The following NRXN2 variants were observed in gnomAD, a reference collection of about 807,000 sequenced individuals.
NRXN2 encodes neurexin-2-beta.
In NRXN2, 29 loss-of-function variants were observed where a neutral mutation model predicts 128.8. That is an observed-to-expected ratio of 0.23 (90% CI 0.17 to 0.31). The LOEUF is 0.31. Among genes scored for constraint, NRXN2 ranks in the 10% least tolerant of loss-of-function variants. NRXN2 has a pLI of 1.00. For synonymous variants in NRXN2, 1,098 were observed against 1,075.2 expected, an observed-to-expected ratio of 1.02 and a Z score of -0.41; for missense variants, 1,881 against 2,452.6, an observed-to-expected ratio of 0.77 and a Z score of 4.92.
chr11:64,700,616 TCG>T (rs2055201975), intron 2 of NRXN2, among the ~76,000 whole-genome samples: 1 of 152,222 alleles, frequency 6.6e-6, no homozygotes, highest in Non-Finnish European at 1.5e-5. Context: ...TCCTAGGTCA[TCG>T]TAGCCTCTGG....
intron 12 of NRXN2, among the ~76,000 whole-genome samples, chr11:64,652,909 T>C (rs751590558): frequency 1.2e-4 from 18 of 152,038 alleles, no homozygotes; most frequent in Non-Finnish European, 2.5e-4. Context: ...TTTGCAGCAC[T>C]CTCTGGTCAT....
chr11:64,620,446 G>T, intron 21 of NRXN2, 74 bp from the exon 22 acceptor site: 1 of 1,188,000 alleles, frequency 8.4e-7, no homozygotes, highest in Non-Finnish European at 1.2e-6. Flanking sequence ...GCCACTTGAG[G>T]TGCACGGTGG....
At chr11:64,617,802 C>T (rs1320881485) in intron 22 of NRXN2, among the ~76,000 whole-genome samples, 1 of 152,156 alleles carries the variant, frequency 6.6e-6, no homozygotes, top group Non-Finnish European at 1.5e-5. Flanking sequence ...TTGGTCCTTG[C>T]CTGGCCTCCC....
Position 64,660,315 on chromosome 11 carries a change from C to G in NRXN2, c.2389+17G>C, listed in dbSNP as rs750469929. On this transcript the variant is annotated intron_variant, in intron 11 of 22. Transcript: ENST00000265459. The surrounding 1 kb of genome is among the most constrained non-coding windows in gnomAD (Gnocchi z 5.2). The stretch of plus-strand genomic sequence containing the variant: ...AGGCCAGGTGAGGGGTCAGGAAGCA[C>G]AGGGCAGGGTGGTTACCGAGGTTGA... 6 of 1,612,404 alleles carry G rather than the reference C, an allele frequency of 3.7e-6. No individual in the cohort carries two copies. The South Asian group carries it at 6.6e-5, about 18-fold the overall frequency.
intron 2 of NRXN2, among the ~76,000 whole-genome samples, chr11:64,702,413 G>A (rs1420605290): frequency 1.3e-5 from 2 of 152,004 alleles, no homozygotes; most frequent in Non-Finnish European, 2.9e-5. Context: ...TGTCTGTGTA[G>A]AAAGAGGTAG....
intron 9 of NRXN2, 155 bp from the exon 10 acceptor site, chr11:64,661,294 C>T (rs1304873994): frequency 2.7e-6 from 4 of 1,509,136 alleles, no homozygotes; most frequent in South Asian, 1.2e-5. Flanking sequence ...GCTGGAAGCT[C>T]GGCCTCACTC....
At chr11:64,701,765 G>A (rs1385588009) in intron 2 of NRXN2, among the ~76,000 whole-genome samples, 5 of 152,096 alleles carry the variant, frequency 3.3e-5, no homozygotes, top group Non-Finnish European at 7.4e-5. Context: ...AGCCCCGTCC[G>A]GGGGGGAAGT....
At chr11:64,668,249 G>C (rs900624850) in intron 8 of NRXN2, among the ~76,000 whole-genome samples, 194 bp downstream of exon 8, 2 of 152,192 alleles carry the variant, frequency 1.3e-5, no homozygotes, top group African/African-American at 4.8e-5. Context: ...GGTTTCCAAG[G>C]CTCAAGGAAA....
chr11:64,652,092 T>G lies in NRXN2; in HGVS notation c.2479A>C (p.Arg827=). The G allele has an allele frequency of 1.2e-6, 2 of 1,613,430 alleles. No individual in the cohort carries two copies. The highest frequency in any genetic ancestry group is 1.7e-6 in the Non-Finnish European group (2 of 1,179,974). The change falls in exon 13 of 23, where the codon AGG becomes CGG. Residue 827 remains arginine, a synonymous_variant. Transcript: ENST00000265459. ...AGGCTCTTGCCACGCCGGACCACCC[T>G]CACCGTGTGCCACTCATTGTCATTG... The part of the protein sequence containing the change: ...KLNDNEWHTV[R]VVRRGKSLQL...
intron 6 of NRXN2, among the ~76,000 whole-genome samples, chr11:64,680,675 G>A (rs1219115761): frequency 1.3e-5 from 2 of 152,188 alleles, no homozygotes; most frequent in Admixed American, 6.5e-5. Context: ...AAAGAGAAAT[G>A]AGATCCTTGA....
At chr11:64,716,175 C>T (rs1311138232) in intron 1 of NRXN2, among the ~76,000 whole-genome samples, 1 of 152,190 alleles carries the variant, frequency 6.6e-6, no homozygotes, top group Non-Finnish European at 1.5e-5. Flanking sequence ...CACCTCCGGA[C>T]ACTATTTTGG....
intron 22 of NRXN2, among the ~76,000 whole-genome samples, chr11:64,609,281 C>T (rs901142888): frequency 6.6e-6 from 1 of 152,070 alleles, no homozygotes; most frequent in African/African-American, 2.4e-5. Context: ...CCCCCATGGG[C>T]CGCCAGGACC....
At position 64,690,460 on chromosome 11, in the gene NRXN2, G is replaced by A. The variant is rs1455348785; in HGVS notation, c.795C>T (p.Phe265=). The stretch of plus-strand genomic sequence containing the variant: ...CTCCTCTCCCGGCCCCCCCCTCGGA[G>A]AACAGTAAGGACCCTACTGGAGAAG... ...TLNSEVGSLL[F]SEGGAGRGGA... The change falls in exon 5 of 23, where the codon TTC becomes TTT. Residue 265 remains phenylalanine, a synonymous_variant. Transcript: ENST00000265459. 3 of 1,613,512 alleles carry A rather than the reference G, an allele frequency of 1.9e-6. No individual in the cohort carries two copies. Among genetic ancestry groups the A allele is most frequent in the Non-Finnish European group, 1.7e-6 (2 of 1,179,896 alleles).
intron 12 of NRXN2, 131 bp downstream of exon 12, chr11:64,653,565 A>T: frequency 1.1e-6 from 1 of 913,948 alleles, no homozygotes; most frequent in Non-Finnish European, 1.8e-6. Flanking sequence ...ACCCCTCCCC[A>T]CACTCAAGGC....
chr11:64,706,418 C>A (rs1209057813), intron 2 of NRXN2, among the ~76,000 whole-genome samples: 2 of 148,758 alleles, frequency 1.3e-5, no homozygotes, highest in African/African-American at 5.0e-5. Flanking sequence ...TGAGAACATG[C>A]GGTGTTTGGT....
At chr11:64,614,764 A>T (rs552188403) in intron 22 of NRXN2, among the ~76,000 whole-genome samples, 3 of 152,286 alleles carry the variant, frequency 2.0e-5, no homozygotes, top group Admixed American at 6.5e-5. Context: ...GGGCTGTGGG[A>T]GCAGTGAGAT....
chr11:64,658,999 G>A (rs756108661), intron 11 of NRXN2, among the ~76,000 whole-genome samples: 24 of 152,230 alleles, frequency 1.6e-4, no homozygotes, highest in Non-Finnish European at 3.1e-4. Context: ...ACTCCCACCT[G>A]GGTGAAAGAG....
intron 22 of NRXN2, among the ~76,000 whole-genome samples, chr11:64,611,471 G>A (rs1388465183): frequency 6.6e-6 from 1 of 152,230 alleles, no homozygotes; most frequent in Non-Finnish European, 1.5e-5. Flanking sequence ...CAGGGCACAG[G>A]ACCAGACCAG....
chr11:64,683,474 G>C (rs1407938296), intron 6 of NRXN2, among the ~76,000 whole-genome samples: 1 of 152,108 alleles, frequency 6.6e-6, no homozygotes. Flanking sequence ...ACAGAAATTA[G>C]CTGGGTGTGG....
Sources: allele counts gnomAD v4.1 joint callset (sites outside exome capture counted in the v4.1 genomes callset), GRCh38; gene constraint gnomAD v4.1.1; non-coding constraint Gnocchi (gnomAD v3.1); transcripts MANE v1.5; gene names NCBI Gene and HGNC (gene_info 2026-07-23, HGNC 2026-07-21).